Variants in STAT3 observed in about 807,000 individuals in gnomAD.
STAT3 encodes signal transducer and activator of transcription 3.
STAT3 carries 7 observed loss-of-function variants against 114.3 expected under a neutral mutation model. The ratio of observed to expected loss-of-function variants is 0.06; its 90% CI spans 0.03 to 0.11. The LOEUF (loss-of-function observed/expected upper bound fraction) is 0.11. Ranked by LOEUF, STAT3 falls within the 10% of genes least tolerant of loss-of-function variation. The pLI is 1.00. For synonymous variants in STAT3, 331 were observed against 354.5 expected, an observed-to-expected ratio of 0.93 and a Z score of 0.74; for missense variants, 364 against 960.9, an observed-to-expected ratio of 0.38 and a Z score of 8.21.
intron 1 of STAT3, among the ~76,000 whole-genome samples, chr17:42,376,979 A>G (rs2084506895): frequency 6.6e-6 from 1 of 152,224 alleles, no homozygotes; most frequent in Admixed American, 6.5e-5. Flanking sequence ...GTTAACTAAA[A>G]AGCCACATTT....
At chr17:42,321,741 C>T (rs1567706870) in intron 21 of STAT3, among the ~76,000 whole-genome samples, 1 of 152,222 alleles carries the variant, frequency 6.6e-6, no homozygotes, top group African/African-American at 2.4e-5. Flanking sequence ...AGCACTGTGC[C>T]AGCAGGGCAT....
intron 4 of STAT3, among the ~76,000 whole-genome samples, chr17:42,341,936 G>A (rs745430000): frequency 6.6e-6 from 1 of 151,986 alleles, no homozygotes; most frequent in Non-Finnish European, 1.5e-5. Context: ...TAATCCGTAC[G>A]ATTGAAAACA....
At chr17:42,380,098 G>A (rs938153522) in intron 1 of STAT3, among the ~76,000 whole-genome samples, 8 of 152,004 alleles carry the variant, frequency 5.3e-5, no homozygotes, top group South Asian at 2.1e-4. Flanking sequence ...GCAGCGGCGC[G>A]ATCTCAGCTC....
intron 10 of STAT3, among the ~76,000 whole-genome samples, chr17:42,332,119 G>T (rs1453764978): frequency 6.6e-6 from 1 of 151,528 alleles, no homozygotes; most frequent in Non-Finnish European, 1.5e-5. Context: ...TAGAGACAGA[G>T]TTTCTCCATG....
chr17:42,366,578 G>A (rs1338157275), intron 1 of STAT3, among the ~76,000 whole-genome samples: 1 of 151,720 alleles, frequency 6.6e-6, no homozygotes, highest in Non-Finnish European at 1.5e-5. Context: ...GGCTGAGGTG[G>A]GGGTATCACT....
rs2081614194 is a variant in STAT3 at position 42,324,418 on chromosome 17, C to T, written c.1600+293G>A. Among the ~76,000 whole-genome samples the T allele has an allele frequency of 6.6e-6, 1 of 152,124 alleles. No homozygotes were observed. Among genetic ancestry groups the T allele is most frequent in the Non-Finnish European group, 1.5e-5 (1 of 68,030 alleles). On this transcript the variant is annotated intron_variant, in intron 17 of 23. Transcript: ENST00000264657. The surrounding 1 kb of genome is among the most constrained non-coding windows in gnomAD (Gnocchi z 4.5). ...AATGTCAAGCCTTTAGTGCCACCTTCCAACACACACTTAAAAGATCTTCTA... is the reference window on the plus strand; with the variant it reads ...AATGTCAAGCCTTTAGTGCCACCTTTCAACACACACTTAAAAGATCTTCTA...
chr17:42,345,503 G>A, intron 4 of STAT3, 56 bp downstream of exon 4: 2 of 1,399,428 alleles, frequency 1.4e-6, no homozygotes, highest in Admixed American at 3.9e-5. Flanking sequence ...TCATTATAAA[G>A]TTGTTTGATT....
At chr17:42,376,323 C>T (rs2084457325) in intron 1 of STAT3, among the ~76,000 whole-genome samples, 1 of 151,988 alleles carries the variant, frequency 6.6e-6, no homozygotes, top group African/African-American at 2.4e-5. Context: ...AGTTTGTATC[C>T]ACCACTGTGA....
Position 42,347,203 on chromosome 17 carries a change from A to AAAC in STAT3, c.129-491_129-490insGTT, listed in dbSNP as rs576843040. ...CCATCTCAAAAAAAAAAAAAAAAAA[A>AAAC]CCACAAAACAAAAAAACAATTATTC... is the stretch of plus-strand genomic sequence containing the variant. On this transcript the variant is annotated intron_variant, in intron 2 of 23. Coordinates refer to ENST00000264657, the MANE Select transcript of STAT3 (RefSeq NM_139276.3). Among the ~76,000 whole-genome samples, 383 of 144,910 alleles carry AAAC rather than the reference A, an allele frequency of 2.6e-3. 12 individuals are homozygous for AAAC. The highest frequency in any genetic ancestry group is 9.1e-3 in the South Asian group (41 of 4,518).
At chr17:42,323,902 C>T (rs2081589827) in intron 17 of STAT3, among the ~76,000 whole-genome samples, 1 of 152,222 alleles carries the variant, frequency 6.6e-6, no homozygotes, top group Non-Finnish European at 1.5e-5. Context: ...TGGGAACCAA[C>T]AGCAGCACTC....
chr17:42,381,902 T>G (rs2084823359), intron 1 of STAT3, among the ~76,000 whole-genome samples: 1 of 152,152 alleles, frequency 6.6e-6, no homozygotes, highest in South Asian at 2.1e-4. Flanking sequence ...GTTATTACTT[T>G]TCTAAAAAGG....
chr17:42,356,539 A>ATTT lies in STAT3; in HGVS notation c.-23-8003_-23-8001dup, dbSNP rs67178732. On this transcript the variant is annotated intron_variant, in intron 1 of 23. Transcript: ENST00000264657. ...TGTGTGTGTGTATATATATATATAT[A>ATTT]TTTTTTTTTTTTTACATTGGAGTCA... Among the ~76,000 whole-genome samples, 603 of 143,000 alleles carry ATTT rather than the reference A, an allele frequency of 4.2e-3. 7 individuals carry two copies. Among genetic ancestry groups the ATTT allele is most frequent in the African/African-American group, 0.014 (526 of 38,460 alleles). 93.8% of individuals were successfully genotyped at this position (143,000 alleles called of 152,430 possible). A position where few individuals can be genotyped will look rare whatever the true frequency, so the allele number is the denominator to read the frequency against.
chr17:42,329,388 T>C (rs2081891451), intron 14 of STAT3, 22 bp downstream of exon 14: 1 of 1,613,350 alleles, frequency 6.2e-7, no homozygotes, highest in Non-Finnish European at 8.5e-7. Flanking sequence ...CCCAGTTGTC[T>C]TTCATCCCCA....
At chr17:42,372,768 G>T (rs980280345) in intron 1 of STAT3, among the ~76,000 whole-genome samples, 4 of 151,782 alleles carry the variant, frequency 2.6e-5, no homozygotes, top group African/African-American at 9.7e-5. Flanking sequence ...GATTGCTTGA[G>T]CCCAGGAGTT....
rs755524497 is a variant in STAT3 at position 42,333,673 on chromosome 17, C to A, written c.1049G>T (p.Arg350Met). ...TGGAAATGGAAGTGGCATGGCCTAC[C>A]TGACTTTAGTAGTGAACTGGACGCC... ...KTGVQFTTKVRLLVKFPELNY... is the reference protein window; with the variant it reads ...KTGVQFTTKVMLLVKFPELNY... The change falls in exon 10 of 24, where the codon AGG becomes ATG. Residue 350 changes from arginine (R) to methionine (M), a missense_variant and splice_region_variant. Coordinates refer to ENST00000264657, the MANE Select transcript of STAT3 (RefSeq NM_139276.3). The surrounding 1 kb of genome is among the most constrained non-coding windows in gnomAD (Gnocchi z 5.2). 1.2e-6 allele frequency: 2 copies of A among 1,613,890 alleles called. No individual in the cohort carries two copies. The highest frequency in any genetic ancestry group is 2.7e-5 in the African/African-American group (2 of 74,888).
chr17:42,339,667 T>C (rs903059859), intron 4 of STAT3, among the ~76,000 whole-genome samples: 1 of 152,106 alleles, frequency 6.6e-6, no homozygotes, highest in African/African-American at 2.4e-5. Context: ...AAAAACCTCA[T>C]GGGCAAGTAT....
chr17:42,371,676 C>CAA (rs71359559), intron 1 of STAT3, among the ~76,000 whole-genome samples: 1,697 of 90,906 alleles, frequency 0.019, 50 homozygotes, highest in African/African-American at 0.055. Context: ...AACTCTGTCT[C>CAA]AAAAAAAAAA....
At chr17:42,356,404 G>A (rs2083227636) in intron 1 of STAT3, among the ~76,000 whole-genome samples, 1 of 151,854 alleles carries the variant, frequency 6.6e-6, no homozygotes, top group Non-Finnish European at 1.5e-5. Flanking sequence ...GCAGTGAGCT[G>A]TGATTGCACC....
chr17:42,353,100 C>A (rs2083049087), intron 1 of STAT3, among the ~76,000 whole-genome samples: 2 of 152,180 alleles, frequency 1.3e-5, no homozygotes, highest in South Asian at 4.1e-4. Flanking sequence ...GTAATCCCAG[C>A]ACTTAGGGAG....
Sources: gnomAD v4.1 joint callset for allele counts (sites outside exome capture counted in the v4.1 genomes callset) on GRCh38, gnomAD v4.1.1 for gene constraint, Gnocchi (gnomAD v3.1) non-coding constraint, MANE v1.5 for transcripts, NCBI Gene and HGNC (gene_info 2026-07-23, HGNC 2026-07-21) for gene names.